MGLL: variants seen among roughly 807,000 people sequenced by gnomAD.
MGLL encodes monoglyceride lipase.
In MGLL, 7 loss-of-function variants were observed where a neutral mutation model predicts 29.1. The ratio of observed to expected loss-of-function variants is 0.24; its 90% CI spans 0.14 to 0.45. MGLL has a LOEUF of 0.45. MGLL is among the 20% of genes least tolerant of loss of function. The pLI is 0.99. For missense variants in MGLL, 356 were observed against 413.6 expected (o/e 0.86, Z 1.21); for synonymous variants, 148 against 168.3 (o/e 0.88, Z 0.93).
chr3:127,691,865 C>G lies in MGLL; in HGVS notation c.*333G>C. On this transcript the variant is annotated 3_prime_UTR_variant, in exon 8 of 8. Coordinates refer to ENST00000265052, the MANE Select transcript of MGLL (RefSeq NM_007283.7). Reference sequence around the variant, plus strand: ...TTGCAGTCTGGTGTCCTGGGAACACCAGGAATTCCTGGAACCCTTGTGGGA... The same window carrying G: ...TTGCAGTCTGGTGTCCTGGGAACACGAGGAATTCCTGGAACCCTTGTGGGA... 2 of 342,204 alleles carry G rather than the reference C, an allele frequency of 5.8e-6. No homozygotes were observed. Among genetic ancestry groups the G allele is most frequent in the Non-Finnish European group, 1.1e-5 (2 of 181,660 alleles). 21.2% of individuals were successfully genotyped at this position (342,204 alleles called of 1,614,324 possible). A position where few individuals can be genotyped will look rare whatever the true frequency, so the allele number is the denominator to read the frequency against.
In MGLL at chr3:127,797,398, G is replaced by A. The variant is rs189383086; in HGVS notation, c.156-15503C>T. ...ATTCCCCTCGACCTGTCAAGACTCA[G>A]TCTAGTCTTGCTCCGCATGCAGCCT... is the stretch of plus-strand genomic sequence containing the variant. On this transcript the variant is annotated intron_variant, in intron 2 of 7. Transcript: ENST00000265052. Among the ~76,000 whole-genome samples the A allele has an allele frequency of 1.5e-3, 225 of 152,200 alleles. 1 individual carries two copies. Among genetic ancestry groups the A allele is most frequent in the Non-Finnish European group, 1.6e-3 (108 of 68,020 alleles).
chr3:127,819,890 A>G (rs1474409265), intron 2 of MGLL, among the ~76,000 whole-genome samples: 1 of 151,966 alleles, frequency 6.6e-6, no homozygotes, highest in Non-Finnish European at 1.5e-5. Context: ...GCACAGGGTT[A>G]ACATGAGTCA....
intron 3 of MGLL, among the ~76,000 whole-genome samples, chr3:127,752,320 A>G (rs1482778851): frequency 6.6e-6 from 1 of 152,170 alleles, no homozygotes; most frequent in African/African-American, 2.4e-5. Flanking sequence ...GCTGGCCTCG[A>G]ACTCCTGACC....
chr3:127,819,643 G>A (rs1301077802), intron 2 of MGLL, among the ~76,000 whole-genome samples: 1 of 152,140 alleles, frequency 6.6e-6, no homozygotes, highest in Non-Finnish European at 1.5e-5. Flanking sequence ...TTGAAGCCCT[G>A]GTGACTTGAG....
intron 3 of MGLL, among the ~76,000 whole-genome samples, chr3:127,739,029 T>A (rs1479064229): frequency 6.6e-6 from 1 of 152,142 alleles, no homozygotes; most frequent in African/African-American, 2.4e-5. Flanking sequence ...AGGCACCAGG[T>A]GGAATGAAGG....
intron 2 of MGLL, among the ~76,000 whole-genome samples, chr3:127,817,265 C>T (rs189372687): frequency 3.0e-4 from 46 of 152,330 alleles, no homozygotes; most frequent in African/African-American, 9.1e-4. Flanking sequence ...GAGGGCAGGG[C>T]TCTGGAGGAA....
chr3:127,728,836 A>G (rs932276476), intron 3 of MGLL, among the ~76,000 whole-genome samples: 11 of 152,162 alleles, frequency 7.2e-5, no homozygotes, highest in African/African-American at 1.4e-4. Context: ...CTTTCACTCT[A>G]TGAGTGAGAT....
At chr3:127,810,983 G>A (rs1008608677) in intron 2 of MGLL, among the ~76,000 whole-genome samples, 2 of 149,256 alleles carry the variant, frequency 1.3e-5, no homozygotes. Context: ...ACTGGTGAAA[G>A]TACAGCCATC....
intron 6 of MGLL, among the ~76,000 whole-genome samples, chr3:127,701,340 G>A (rs1004904650): frequency 6.6e-5 from 10 of 151,970 alleles, no homozygotes; most frequent in African/African-American, 1.5e-4. Context: ...TGTGCTTGGC[G>A]TGGCCATGGC....
intron 3 of MGLL, among the ~76,000 whole-genome samples, chr3:127,764,405 G>C (rs72626383): frequency 6.6e-6 from 1 of 152,196 alleles, no homozygotes; most frequent in Middle Eastern, 3.4e-3. Flanking sequence ...CAGAATGGGC[G>C]TACAGATATC....
intron 3 of MGLL, among the ~76,000 whole-genome samples, chr3:127,748,419 A>AGAGG (rs2076492445): frequency 8.4e-6 from 1 of 119,640 alleles, no homozygotes; most frequent in African/African-American, 2.8e-5. Context: ...AGAGAGAGAG[A>AGAGG]GAGAGAGAGG....
At chr3:127,722,300 G>C (rs980482920) in intron 4 of MGLL, 130 bp downstream of exon 4, 75 of 1,325,286 alleles carry the variant, frequency 5.7e-5, no homozygotes, top group Admixed American at 1.1e-4. Flanking sequence ...TCCAAGTGCA[G>C]TGCACAAAGG....
intron 3 of MGLL, among the ~76,000 whole-genome samples, chr3:127,748,168 G>A (rs1452242990): frequency 6.6e-6 from 1 of 152,146 alleles, no homozygotes; most frequent in Non-Finnish European, 1.5e-5. Context: ...CACGGGCAGG[G>A]CTGGTTTAAT....
Position 127,781,212 on chromosome 3 carries a change from G to A in MGLL, c.262+577C>T, listed in dbSNP as rs376024984. Among the ~76,000 whole-genome samples, 42 of 152,266 alleles carry A rather than the reference G, an allele frequency of 2.8e-4. 1 individual carries two copies. The highest frequency in any genetic ancestry group is 8.9e-4 in the African/African-American group (37 of 41,558). On this transcript the variant is annotated intron_variant, in intron 3 of 7. Coordinates refer to ENST00000265052, the MANE Select transcript of MGLL (RefSeq NM_007283.7). ...GTGTGTATGTGTGTTTTACGTGTAT[G>A]TGTATAGGTACAGGTGTGTATGTGT... is the stretch of plus-strand genomic sequence containing the variant.
chr3:127,700,769 G>A (rs1293401334), intron 6 of MGLL, among the ~76,000 whole-genome samples: 2 of 152,206 alleles, frequency 1.3e-5, no homozygotes, highest in Admixed American at 6.5e-5. Context: ...ACCCTCGAAA[G>A]GGGAGGCCCT....
intron 3 of MGLL, among the ~76,000 whole-genome samples, chr3:127,751,176 C>G (rs2076551073): frequency 6.6e-6 from 1 of 152,144 alleles, no homozygotes; most frequent in African/African-American, 2.4e-5. Context: ...GTTGCCTTCT[C>G]TGAAACACAC....
intron 2 of MGLL, among the ~76,000 whole-genome samples, chr3:127,813,030 C>T (rs2077691506): frequency 6.6e-6 from 1 of 152,200 alleles, no homozygotes; most frequent in African/African-American, 2.4e-5. Context: ...ACAGCAATTT[C>T]CTAACTAAAG....
At chr3:127,797,437 G>C (rs765349873) in intron 2 of MGLL, among the ~76,000 whole-genome samples, 5 of 152,128 alleles carry the variant, frequency 3.3e-5, no homozygotes, top group African/African-American at 7.2e-5. Flanking sequence ...TTCTGAGCTG[G>C]AAGGCTCCTG....
At chr3:127,700,533 T>C (rs7631109) in intron 6 of MGLL, among the ~76,000 whole-genome samples, 21,680 of 152,108 alleles carry the variant, frequency 0.14, 1,894 homozygotes, top group East Asian at 0.29. Context: ...CACGTGAGGG[T>C]CAGGGCTCTG....
Sources: gnomAD v4.1 joint callset for allele counts (sites outside exome capture counted in the v4.1 genomes callset) on GRCh38, gnomAD v4.1.1 for gene constraint, MANE v1.5 for transcripts, NCBI Gene and HGNC (gene_info 2026-07-23, HGNC 2026-07-21) for gene names.